Variants in PCDH9 observed in about 807,000 individuals in gnomAD.
PCDH9 encodes protocadherin-9.
PCDH9 carries 24 observed loss-of-function variants against 70.6 expected under a neutral mutation model. The observed-to-expected ratio is 0.34, with a 90% CI of 0.25 to 0.48. PCDH9 has a LOEUF of 0.48. Ranked by LOEUF, PCDH9 falls within the 20% of genes least tolerant of loss-of-function variation. The pLI is 0.99. For missense variants in PCDH9, 1,281 were observed against 1,503.6 expected (o/e 0.85, Z 2.45); for synonymous variants, 562 against 558.5 (o/e 1.01, Z -0.09).
At position 66,433,168 on chromosome 13, in the gene PCDH9, A is replaced by T. The variant is rs143768484; in HGVS notation, c.3341-128140T>A. Among the ~76,000 whole-genome samples, 742 of 152,100 alleles carry T rather than the reference A, an allele frequency of 4.9e-3. 3 individuals carry two copies. The Middle Eastern group carries it at 0.051, about 10-fold the overall frequency. ...TTAATCAACACACTTATTAAATGTC[A>T]ATTAGAATTTTCATCAACCAAATTA... On this transcript the variant is annotated intron_variant, in intron 4 of 4. Coordinates refer to ENST00000377865, the MANE Select transcript of PCDH9 (RefSeq NM_203487.3).
At chr13:66,391,305 T>C (rs1221510579) in intron 4 of PCDH9, among the ~76,000 whole-genome samples, 2 of 152,204 alleles carry the variant, frequency 1.3e-5, no homozygotes. Context: ...AGCTATGCAA[T>C]TACAAATATA....
intron 3 of PCDH9, among the ~76,000 whole-genome samples, chr13:66,875,201 G>A (rs2081782122): frequency 6.6e-6 from 1 of 152,052 alleles, no homozygotes; most frequent in South Asian, 2.1e-4. Flanking sequence ...ACAGCAAGAT[G>A]ACTTTGATAA....
chr13:67,146,633 A>T (rs1393596904), intron 2 of PCDH9, among the ~76,000 whole-genome samples: 1 of 152,202 alleles, frequency 6.6e-6, no homozygotes, highest in African/African-American at 2.4e-5. Context: ...AAATGACCCT[A>T]TCCAAAATAG....
intron 3 of PCDH9, among the ~76,000 whole-genome samples, chr13:66,683,548 T>C (rs532197257): frequency 1.3e-5 from 2 of 152,296 alleles, no homozygotes; most frequent in African/African-American, 2.4e-5. Flanking sequence ...GCACTCACTA[T>C]GTTGGTGGGC....
chr13:66,602,140 G>A (rs909187371), intron 4 of PCDH9, among the ~76,000 whole-genome samples: 2 of 146,142 alleles, frequency 1.4e-5, no homozygotes, highest in East Asian at 1.9e-4. Context: ...CACATTGGAA[G>A]AAGAATTGTC....
intron 2 of PCDH9, chr13:66,996,213 T>G (rs1036235421): frequency 6.6e-6 from 1 of 152,222 alleles, no homozygotes; most frequent in Admixed American, 6.5e-5. Context: ...AATGTTACTA[T>G]TTTTCCAGGT....
chr13:66,387,543 T>TA (rs35239094), intron 4 of PCDH9, among the ~76,000 whole-genome samples: 19,918 of 115,386 alleles, frequency 0.17, 1,851 homozygotes, highest in African/African-American at 0.28. Context: ...GATCTGGTGG[T>TA]AAAAAAAAAA....
chr13:66,925,039 T>C (rs1232267548), intron 2 of PCDH9, among the ~76,000 whole-genome samples: 1 of 151,730 alleles, frequency 6.6e-6, no homozygotes, highest in African/African-American at 2.4e-5. Flanking sequence ...ACTGTCAAAT[T>C]GGAAATAGAA....
chr13:67,168,219 A>G (rs2088176601), intron 2 of PCDH9, among the ~76,000 whole-genome samples: 1 of 152,210 alleles, frequency 6.6e-6, no homozygotes, highest in Non-Finnish European at 1.5e-5. Context: ...AATGTAAGAT[A>G]TCTGATTTTA....
At chr13:66,827,679 G>C (rs1169264621) in intron 3 of PCDH9, among the ~76,000 whole-genome samples, 1 of 152,206 alleles carries the variant, frequency 6.6e-6, no homozygotes, top group Non-Finnish European at 1.5e-5. Context: ...ATTCATGAGA[G>C]ATGGATAAAC....
chr13:66,640,040 A>T (rs895097527), intron 3 of PCDH9, among the ~76,000 whole-genome samples: 1 of 152,220 alleles, frequency 6.6e-6, no homozygotes, highest in African/African-American at 2.4e-5. Context: ...TCTAGAAAAA[A>T]CAAATCCAAA....
At chr13:67,089,853 C>T (rs2086182556) in intron 2 of PCDH9, among the ~76,000 whole-genome samples, 1 of 151,920 alleles carries the variant, frequency 6.6e-6, no homozygotes, top group African/African-American at 2.4e-5. Context: ...GGTGTCATTT[C>T]TTTACCCTTC....
chr13:66,724,330 T>C lies in PCDH9; in HGVS notation c.3139-92919A>G, dbSNP rs955610699. ...TTACCATGGAAAATATGAAAAAGCA[T>C]AGGGCTTAAAAAATGGCCACTAGCA... On this transcript the variant is annotated intron_variant, in intron 3 of 4. Transcript: ENST00000377865. Among the ~76,000 whole-genome samples the C allele has an allele frequency of 5.3e-5, 8 of 152,306 alleles. No individual in the cohort carries two copies. The South Asian group carries it at 8.3e-4, about 16-fold the overall frequency.
At chr13:66,454,273 G>A (rs1958273545) in intron 4 of PCDH9, among the ~76,000 whole-genome samples, 1 of 151,960 alleles carries the variant, frequency 6.6e-6, no homozygotes, top group African/African-American at 2.4e-5. Flanking sequence ...AAAATATAAT[G>A]AGCTACAACG....
intron 3 of PCDH9, among the ~76,000 whole-genome samples, chr13:66,711,952 T>A (rs1190046454): frequency 2.6e-5 from 4 of 152,164 alleles, no homozygotes. Context: ...AGTTCCCAGG[T>A]TTATGACATT....
At chr13:67,114,269 T>C (rs187166636) in intron 2 of PCDH9, among the ~76,000 whole-genome samples, 69 of 152,280 alleles carry the variant, frequency 4.5e-4, no homozygotes, top group African/African-American at 1.6e-3. Context: ...ACAGATAAAG[T>C]GTATATCTGT....
intron 3 of PCDH9, among the ~76,000 whole-genome samples, chr13:66,902,302 G>C (rs1206651965): frequency 6.6e-6 from 1 of 151,424 alleles, no homozygotes; most frequent in African/African-American, 2.4e-5. Flanking sequence ...AGAGAATTAG[G>C]GGATAGAGCT....
At chr13:66,399,700 CA>C (rs200126897) in intron 4 of PCDH9, among the ~76,000 whole-genome samples, 2,037 of 141,748 alleles carry the variant, frequency 0.014, 34 homozygotes, top group African/African-American at 0.049. Flanking sequence ...GATCTTTTGT[CA>C]AAAAAAAGAA....
Position 67,110,204 on chromosome 13 carries a change from A to T in PCDH9, c.3036+115201T>A, listed in dbSNP as rs533826068. On this transcript the variant is annotated intron_variant, in intron 2 of 4. Transcript: ENST00000377865. ...AAAAGTGTTAATATACAGAAAATTT[A>T]AAAAAAAAACAAAAAACAAAAAAAG... Among the ~76,000 whole-genome samples, 11 of 148,892 alleles carry T rather than the reference A, an allele frequency of 7.4e-5. No homozygotes were observed. In the East Asian group the frequency reaches 9.8e-4, roughly 13 times the overall value.
Sources: gnomAD v4.1 joint callset for allele counts (sites outside exome capture counted in the v4.1 genomes callset) on GRCh38, gnomAD v4.1.1 for gene constraint, MANE v1.5 for transcripts, NCBI Gene and HGNC (gene_info 2026-07-23, HGNC 2026-07-21) for gene names.